The following DIP2C variants were observed in gnomAD, a reference collection of about 807,000 sequenced individuals.
DIP2C encodes the protein DIP2 acetate--CoA ligase C (putative).
Under a neutral mutation model 192.4 loss-of-function variants are expected in DIP2C, and 33 were observed. The observed-to-expected ratio is 0.17, with a 90% CI of 0.13 to 0.23. The LOEUF (loss-of-function observed/expected upper bound fraction) is 0.23, where lower values mean the gene tolerates loss of function less well. DIP2C is among the 10% of genes least tolerant of loss of function. The pLI, the probability that DIP2C is intolerant of heterozygous loss-of-function variation, is 1.00. For missense variants in DIP2C, 1,537 were observed against 2,110.1 expected, an observed-to-expected ratio of 0.73 and a Z score of 5.32; for synonymous variants, 979 against 864.1, an observed-to-expected ratio of 1.13 and a Z score of -2.33.
intron 36 of DIP2C, 110 bp from the exon 37 acceptor site, chr10:277,687 A>G (rs1330872324): frequency 3.5e-6 from 5 of 1,441,328 alleles, no homozygotes; most frequent in Non-Finnish European, 4.7e-6. Flanking sequence ...GCACTGCCCG[A>G]CAGTCTCCTC....
intron 3 of DIP2C, among the ~76,000 whole-genome samples, chr10:461,985 G>A (rs957428945): frequency 5.3e-5 from 8 of 152,112 alleles, no homozygotes; most frequent in Non-Finnish European, 1.0e-4. Context: ...AAACCAATGA[G>A]AACAAAAGAC....
intron 32 of DIP2C, among the ~76,000 whole-genome samples, chr10:305,860 G>A (rs925520084): frequency 1.3e-5 from 2 of 151,982 alleles, no homozygotes; most frequent in South Asian, 4.2e-4. Context: ...TGCCCAGGCT[G>A]CCCTCAAACC....
chr10:368,901 G>A lies in DIP2C; in HGVS notation c.2131+593C>T, dbSNP rs566089774. 7.3e-4 allele frequency among the ~76,000 whole-genome samples: 112 copies of A among 152,382 alleles called. No homozygotes were observed. The Middle Eastern group carries it at 0.017, about 23-fold the overall frequency. ...TGACCCCATGAGTTGAGCGCCAAGC[G>A]TGTGCACCCTAAGAATGGTAAAGCG... On this transcript the variant is annotated intron_variant, in intron 18 of 36. Coordinates refer to ENST00000280886, the MANE Select transcript of DIP2C (RefSeq NM_014974.3).
At chr10:396,899 T>TC (rs1335819913) in intron 10 of DIP2C, among the ~76,000 whole-genome samples, 6 of 150,786 alleles carry the variant, frequency 4.0e-5, no homozygotes, top group Non-Finnish European at 7.4e-5. Context: ...TACCACAGAC[T>TC]CCCCTGCCTC....
At chr10:338,240 C>T (rs776134269) in intron 29 of DIP2C, among the ~76,000 whole-genome samples, 14 of 152,192 alleles carry the variant, frequency 9.2e-5, no homozygotes, top group Non-Finnish European at 1.8e-4. Context: ...TAATTTATTA[C>T]TGAAGAACTA....
Position 536,784 on chromosome 10 carries a change from G to C in DIP2C, c.86-50254C>G, listed in dbSNP as rs1847719772. ...GATTAAACCTTCTTTCCAGCAAACA[G>C]CTTCCACGTGAACAGAAGAGTGTGT... is the stretch of plus-strand genomic sequence containing the variant. On this transcript the variant is annotated intron_variant, in intron 1 of 36. Transcript: ENST00000280886. Among the ~76,000 whole-genome samples the C allele has an allele frequency of 2.0e-5, 3 of 152,196 alleles. No individual in the cohort carries two copies. In the South Asian group the frequency reaches 6.2e-4, roughly 32 times the overall value.
At chr10:671,604 G>A (rs1354868774) in intron 1 of DIP2C, among the ~76,000 whole-genome samples, 2 of 89,262 alleles carry the variant, frequency 2.2e-5, no homozygotes, top group Non-Finnish European at 2.1e-5. Flanking sequence ...CAGACGCACC[G>A]ACGGAGGAAA....
chr10:365,157 G>A (rs1002620338), intron 19 of DIP2C: 1 of 389,120 alleles, frequency 2.6e-6, no homozygotes, highest in East Asian at 7.4e-5. Context: ...CAGTTTCGAG[G>A]GATATTTTAG....
At chr10:649,726 G>A (rs1192415812) in intron 1 of DIP2C, among the ~76,000 whole-genome samples, 1 of 152,172 alleles carries the variant, frequency 6.6e-6, no homozygotes, top group Non-Finnish European at 1.5e-5. Flanking sequence ...GCTATAAAAT[G>A]AAATTAATTT....
intron 5 of DIP2C, among the ~76,000 whole-genome samples, chr10:419,821 C>T (rs965415795): frequency 6.6e-6 from 1 of 152,214 alleles, no homozygotes; most frequent in East Asian, 1.9e-4. Context: ...ACGTTACACC[C>T]TAATGTGTAC....
chr10:598,092 G>C (rs538618875), intron 1 of DIP2C, among the ~76,000 whole-genome samples: 14 of 152,236 alleles, frequency 9.2e-5, no homozygotes, highest in Admixed American at 1.3e-4. Context: ...TGCAGGACAC[G>C]CGTGGACAAG....
Position 614,778 on chromosome 10 carries a change from G to A in DIP2C, c.85+74716C>T, listed in dbSNP as rs139160102. Among the ~76,000 whole-genome samples the A allele has an allele frequency of 2.5e-3, 386 of 152,340 alleles. 1 individual carries two copies. Among genetic ancestry groups the A allele is most frequent in the Middle Eastern group, 0.01 (3 of 294 alleles). ...TACGGGCTCCCTTGCCGGGTATCGCGGCTCCAGGGAGTAGGTATGGGAAGG... is the reference window on the plus strand; with the variant it reads ...TACGGGCTCCCTTGCCGGGTATCGCAGCTCCAGGGAGTAGGTATGGGAAGG... On this transcript the variant is annotated intron_variant, in intron 1 of 36. Coordinates refer to ENST00000280886, the MANE Select transcript of DIP2C (RefSeq NM_014974.3).
intron 1 of DIP2C, among the ~76,000 whole-genome samples, chr10:638,655 G>C (rs567015816): frequency 6.6e-6 from 1 of 152,186 alleles, no homozygotes; most frequent in Non-Finnish European, 1.5e-5. Flanking sequence ...AGGCCAAGAA[G>C]TTCCTTCCCC....
intron 1 of DIP2C, among the ~76,000 whole-genome samples, chr10:677,909 G>A (rs1429180920): frequency 6.6e-6 from 1 of 152,210 alleles, no homozygotes; most frequent in African/African-American, 2.4e-5. Flanking sequence ...TCTGGCTCAT[G>A]TGCACCCGGC....
At chr10:420,201 C>T (rs925873496) in intron 5 of DIP2C, among the ~76,000 whole-genome samples, 4 of 152,356 alleles carry the variant, frequency 2.6e-5, no homozygotes, top group African/African-American at 4.8e-5. Flanking sequence ...GCCGTCTAGA[C>T]GGCGAAATCA....
chr10:362,780 C>A, intron 21 of DIP2C, 89 bp from the exon 22 acceptor site: 1 of 1,387,880 alleles, frequency 7.2e-7, no homozygotes, highest in African/African-American at 1.4e-5. Context: ...CCACAATACA[C>A]AGAAGTCTGT....
intron 31 of DIP2C, among the ~76,000 whole-genome samples, chr10:325,288 A>C (rs922642537): frequency 1.3e-5 from 2 of 152,108 alleles, no homozygotes; most frequent in African/African-American, 2.4e-5. Context: ...CAAAAAAAAA[A>C]CATTTTGGAT....
chr10:676,015 G>A (rs1270832490), intron 1 of DIP2C, among the ~76,000 whole-genome samples: 3 of 152,172 alleles, frequency 2.0e-5, no homozygotes, highest in South Asian at 2.1e-4. Flanking sequence ...AATCCTCAAC[G>A]AAATACTAAC....
intron 1 of DIP2C, among the ~76,000 whole-genome samples, chr10:647,530 T>C (rs1200831682): frequency 1.4e-5 from 2 of 139,446 alleles, no homozygotes; most frequent in African/African-American, 2.7e-5. Flanking sequence ...CACGTCCACA[T>C]TGGATGGTGG....
Sources: gnomAD v4.1 joint callset for allele counts (sites outside exome capture counted in the v4.1 genomes callset) on GRCh38, gnomAD v4.1.1 for gene constraint, MANE v1.5 for transcripts, NCBI Gene and HGNC (gene_info 2026-07-23, HGNC 2026-07-21) for gene names.